PTPRD: variants seen among roughly 807,000 people sequenced by gnomAD.
PTPRD encodes the protein receptor-type tyrosine-protein phosphatase delta.
Under a neutral mutation model 214.5 loss-of-function variants are expected in PTPRD, and 34 were observed. The observed-to-expected ratio is 0.16, with a 90% CI of 0.12 to 0.21. The LOEUF (loss-of-function observed/expected upper bound fraction) is 0.21. PTPRD is among the 10% of genes least tolerant of loss of function. The pLI, the probability that PTPRD is intolerant of heterozygous loss-of-function variation, is 1.00. For missense variants in PTPRD, 2,545 were observed against 2,398.7 expected, an observed-to-expected ratio of 1.06 and a Z score of -1.27; for synonymous variants, 1,128 against 845.7, an observed-to-expected ratio of 1.33 and a Z score of -5.79.
At chr9:8,587,745 T>C (rs1039113370) in intron 14 of PTPRD, among the ~76,000 whole-genome samples, 9 of 152,148 alleles carry the variant, frequency 5.9e-5, no homozygotes, top group Non-Finnish European at 1.0e-4. Context: ...ACAAAGAAAT[T>C]TGAAACATGT....
Position 9,634,170 on chromosome 9 carries a change from C to T in PTPRD, c.-286-59389G>A, listed in dbSNP as rs538736241. On this transcript the variant is annotated intron_variant, in intron 7 of 45. Transcript: ENST00000381196. Reference sequence around the variant, plus strand: ...ATCATAAAGGGATGATGCTCCTTACCAAATTAACATATGCCAAAACTCTGT... The same window carrying T: ...ATCATAAAGGGATGATGCTCCTTACTAAATTAACATATGCCAAAACTCTGT... 1.9e-3 allele frequency among the ~76,000 whole-genome samples: 289 copies of T among 152,110 alleles called. 1 individual carries two copies. Among genetic ancestry groups the T allele is most frequent in the Non-Finnish European group, 3.4e-3 (234 of 67,968 alleles).
At chr9:8,468,491 G>C (rs2096587850) in intron 31 of PTPRD, among the ~76,000 whole-genome samples, 1 of 151,850 alleles carries the variant, frequency 6.6e-6, no homozygotes, top group African/African-American at 2.4e-5. Context: ...AGGAGTTTCA[G>C]TTTATAAATG....
At chr9:9,590,212 AT>A (rs903740391) in intron 7 of PTPRD, among the ~76,000 whole-genome samples, 4 of 151,110 alleles carry the variant, frequency 2.6e-5, no homozygotes, top group South Asian at 2.1e-4. Context: ...TCTATGATCT[AT>A]TTTTTTTTCC....
intron 7 of PTPRD, among the ~76,000 whole-genome samples, chr9:9,732,899 G>C (rs1475851959): frequency 8.1e-6 from 1 of 124,206 alleles, no homozygotes; most frequent in Non-Finnish European, 1.6e-5. Context: ...GCAACACAGT[G>C]AAACCTTGTT....
chr9:8,498,255 A>C (rs561828482), intron 25 of PTPRD, among the ~76,000 whole-genome samples: 78 of 152,152 alleles, frequency 5.1e-4, no homozygotes, highest in Non-Finnish European at 9.1e-4. Context: ...AGGGATATTT[A>C]TTGCTGTCTT....
intron 14 of PTPRD, among the ~76,000 whole-genome samples, chr9:8,583,346 G>A (rs35863032): frequency 0.46 from 70,347 of 151,946 alleles, 17,115 homozygotes; most frequent in African/African-American, 0.64. Context: ...GTTTCAACAC[G>A]GATTATTTGT....
intron 10 of PTPRD, among the ~76,000 whole-genome samples, chr9:9,046,361 T>A (rs2099672147): frequency 6.6e-6 from 1 of 152,202 alleles, no homozygotes; most frequent in Admixed American, 6.6e-5. Context: ...GTGGTGATTA[T>A]ATTGGGAAGG....
chr9:8,983,448 C>T (rs529544439), intron 11 of PTPRD, among the ~76,000 whole-genome samples: 17 of 151,906 alleles, frequency 1.1e-4, no homozygotes, highest in Non-Finnish European at 2.2e-4. Flanking sequence ...GTGTTCAATA[C>T]GTTTTCTCTT....
intron 3 of PTPRD, among the ~76,000 whole-genome samples, chr9:10,069,273 CA>C (rs1227513223): frequency 6.6e-6 from 1 of 151,950 alleles, no homozygotes; most frequent in Non-Finnish European, 1.5e-5. Flanking sequence ...GCAACAAGGT[CA>C]ATGAGTCTCA....
intron 14 of PTPRD, among the ~76,000 whole-genome samples, chr9:8,613,693 G>A (rs1403488146): frequency 6.6e-6 from 1 of 152,022 alleles, no homozygotes; most frequent in East Asian, 1.9e-4. Flanking sequence ...CCAAAAATCT[G>A]CCACTCGCTG....
At chr9:8,743,640 G>A (rs896410524) in intron 11 of PTPRD, among the ~76,000 whole-genome samples, 8 of 151,850 alleles carry the variant, frequency 5.3e-5, no homozygotes, top group South Asian at 2.1e-4. Context: ...ACCCAAAACC[G>A]TAACAATTCT....
At chr9:8,999,341 C>G (rs934578164) in intron 11 of PTPRD, among the ~76,000 whole-genome samples, 1 of 152,062 alleles carries the variant, frequency 6.6e-6, no homozygotes, top group Non-Finnish European at 1.5e-5. Context: ...CAACCCCCAG[C>G]CTGATCAGTC....
chr9:8,412,618 C>T (rs1019582745), intron 35 of PTPRD, among the ~76,000 whole-genome samples: 2 of 152,156 alleles, frequency 1.3e-5, no homozygotes, highest in South Asian at 4.1e-4. Context: ...TTTGCCTTCT[C>T]TTGCCTCTAC....
chr9:9,043,682 T>G (rs2099653694), intron 10 of PTPRD, among the ~76,000 whole-genome samples: 1 of 152,024 alleles, frequency 6.6e-6, no homozygotes, highest in Non-Finnish European at 1.5e-5. Context: ...GGCAGGCGGA[T>G]CACGTGAGGC....
At chr9:9,680,562 T>C (rs190877732) in intron 7 of PTPRD, among the ~76,000 whole-genome samples, 2 of 151,774 alleles carry the variant, frequency 1.3e-5, no homozygotes, top group Admixed American at 1.3e-4. Context: ...TATCACAAAA[T>C]TGTTGAAACT....
intron 3 of PTPRD, among the ~76,000 whole-genome samples, chr9:10,289,132 C>T (rs1012853062): frequency 6.6e-6 from 1 of 151,668 alleles, no homozygotes; most frequent in African/African-American, 2.4e-5. Context: ...GTATAAGAGT[C>T]TATGCTATAA....
At chr9:10,053,688 A>G (rs915531946) in intron 3 of PTPRD, among the ~76,000 whole-genome samples, 1 of 152,138 alleles carries the variant, frequency 6.6e-6, no homozygotes, top group African/African-American at 2.4e-5. Flanking sequence ...ACATTTTACC[A>G]TTCTAATTTA....
chr9:9,565,326 C>A (rs1315090376), intron 8 of PTPRD, among the ~76,000 whole-genome samples: 1 of 151,606 alleles, frequency 6.6e-6, no homozygotes. Context: ...CATTTATAGA[C>A]TATGTAGAAA....
At chr9:10,453,106 C>T (rs544493793) in intron 2 of PTPRD, among the ~76,000 whole-genome samples, 4 of 151,528 alleles carry the variant, frequency 2.6e-5, no homozygotes, top group Admixed American at 2.6e-4. Flanking sequence ...TCTTTAAGCT[C>T]TTGTCAAGGA....
Sources: allele counts gnomAD v4.1 joint callset (sites outside exome capture counted in the v4.1 genomes callset), GRCh38; gene constraint gnomAD v4.1.1; transcripts MANE v1.5; gene names NCBI Gene and HGNC (gene_info 2026-07-23, HGNC 2026-07-21).